Variants in CGNL1 observed in about 807,000 individuals in gnomAD.
CGNL1 encodes cingulin like 1.
In CGNL1, 132 loss-of-function variants were observed where a neutral mutation model predicts 141.2. The observed-to-expected ratio is 0.93, with a 90% CI of 0.81 to 1.08. The LOEUF (loss-of-function observed/expected upper bound fraction) is 1.08, where lower values mean the gene tolerates loss of function less well. CGNL1 is among the 50% of genes least tolerant of loss of function. CGNL1 has a pLI of 0.00. For missense variants in CGNL1, 1,870 were observed against 1,588.6 expected, an observed-to-expected ratio of 1.18 and a Z score of -3.01; for synonymous variants, 690 against 622.1, an observed-to-expected ratio of 1.11 and a Z score of -1.63.
intron 1 of CGNL1, among the ~76,000 whole-genome samples, chr15:57,381,529 C>A (rs1431778670): frequency 2.0e-5 from 3 of 152,144 alleles, no homozygotes; most frequent in African/African-American, 7.2e-5. Context: ...CCACTGCACT[C>A]CAGCCTGAGT....
intron 8 of CGNL1, among the ~76,000 whole-genome samples, chr15:57,486,716 A>G (rs1290778286): frequency 3.9e-5 from 6 of 152,282 alleles, no homozygotes; most frequent in Middle Eastern, 3.4e-3. Context: ...GAGGACTTCC[A>G]TTTTGTGCAT....
chr15:57,379,596 T>C (rs1212816030), intron 1 of CGNL1, among the ~76,000 whole-genome samples: 1 of 152,188 alleles, frequency 6.6e-6, no homozygotes, highest in Admixed American at 6.5e-5. Flanking sequence ...TTTAAAAATA[T>C]CCAACTGATT....
At chr15:57,385,158 T>C (rs1338836962) in intron 1 of CGNL1, among the ~76,000 whole-genome samples, 1 of 152,240 alleles carries the variant, frequency 6.6e-6, no homozygotes, top group Non-Finnish European at 1.5e-5. Flanking sequence ...TTCTTTGCAG[T>C]TGAGGACCAA....
At chr15:57,467,004 G>T (rs575711405) in intron 8 of CGNL1, among the ~76,000 whole-genome samples, 2 of 152,204 alleles carry the variant, frequency 1.3e-5, no homozygotes, top group Admixed American at 6.5e-5. Flanking sequence ...TGAGGGAGAA[G>T]AGGAGGGAGG....
At chr15:57,515,295 T>C (rs1480815172) in intron 8 of CGNL1, among the ~76,000 whole-genome samples, 1 of 152,254 alleles carries the variant, frequency 6.6e-6, no homozygotes, top group Admixed American at 6.5e-5. Context: ...TTCTCTGTTG[T>C]ATAGAATTAA....
chr15:57,398,775 A>C (rs1567093189), intron 1 of CGNL1, among the ~76,000 whole-genome samples: 1 of 152,210 alleles, frequency 6.6e-6, no homozygotes, highest in East Asian at 1.9e-4. Context: ...TGGGAAGAGC[A>C]TTTTGAATAG....
At position 57,440,406 on chromosome 15, in the gene CGNL1, A is replaced by G. The variant is rs1353172029; in HGVS notation, c.1632A>G (p.Gln544=). The G allele has an allele frequency of 6.2e-7, 1 of 1,602,982 alleles. No individual in the cohort carries two copies. The highest frequency in any genetic ancestry group is 2.2e-5 in the East Asian group (1 of 44,788). ...QATPDLLKGQ[Q]ELTQQTNEET... is the part of the protein sequence containing the mutation. Reference sequence around the variant, plus strand: ...CACCGGATCTCTTAAAGGGCCAGCAAGAGCTCACTCAGCAAACCAATGAGG... The same window carrying G: ...CACCGGATCTCTTAAAGGGCCAGCAGGAGCTCACTCAGCAAACCAATGAGG... The change falls in exon 3 of 19, where the codon CAA becomes CAG. Residue 544 remains glutamine (Q), a synonymous_variant. Coordinates refer to ENST00000281282, the MANE Select transcript of CGNL1 (RefSeq NM_032866.5).
Position 57,440,410 on chromosome 15 carries a change from C to A in CGNL1, c.1636C>A (p.Leu546Ile). The A allele has an allele frequency of 6.2e-7, 1 of 1,602,962 alleles. No homozygotes were observed. The change falls in exon 3 of 19, where the codon CTC becomes ATC. Residue 546 changes from leucine to isoleucine, a missense_variant. Transcript: ENST00000281282. ...GGATCTCTTAAAGGGCCAGCAAGAG[C>A]TCACTCAGCAAACCAATGAGGAGAC... ...TPDLLKGQQE[L>I]TQQTNEETAK...
intron 1 of CGNL1, among the ~76,000 whole-genome samples, chr15:57,384,737 C>G (rs1027373172): frequency 1.3e-5 from 2 of 152,166 alleles, no homozygotes; most frequent in Non-Finnish European, 2.9e-5. Context: ...GACGAGACCT[C>G]TTTACTGACC....
At chr15:57,445,593 A>C (rs2063240712) in intron 4 of CGNL1, among the ~76,000 whole-genome samples, 1 of 152,190 alleles carries the variant, frequency 6.6e-6, no homozygotes, top group Non-Finnish European at 1.5e-5. Flanking sequence ...TTCTGTTTCT[A>C]AAATGGATTG....
At chr15:57,514,217 T>C (rs149309677) in intron 8 of CGNL1, among the ~76,000 whole-genome samples, 77 of 152,296 alleles carry the variant, frequency 5.1e-4, no homozygotes, top group African/African-American at 1.7e-3. Context: ...AGTGGTCCCA[T>C]CTCGGCTCAC....
intron 14 of CGNL1, among the ~76,000 whole-genome samples, chr15:57,538,237 T>C (rs2032371319): frequency 6.6e-6 from 1 of 152,218 alleles, no homozygotes; most frequent in African/African-American, 2.4e-5. Flanking sequence ...TGGATTTACT[T>C]TAGAATTTCA....
chr15:57,383,607 TTTTCTTTTCTTTTCTTTTCTTTTC>T (rs2062449421), intron 1 of CGNL1, among the ~76,000 whole-genome samples: 1 of 74,684 alleles, frequency 1.3e-5, no homozygotes, highest in Non-Finnish European at 2.5e-5. Flanking sequence ...TTTTCTTTTC[TTTTCTTTTCTTTTCTTTTCTTTTC>T]TTTTTTTTTT....
At chr15:57,539,571 G>A (rs7181371) in intron 14 of CGNL1, among the ~76,000 whole-genome samples, 11,250 of 152,248 alleles carry the variant, frequency 0.074, 509 homozygotes, top group African/African-American at 0.14. Flanking sequence ...GGAGAAGTGT[G>A]GTGTCTATTC....
At chr15:57,392,879 A>G (rs1179040857) in intron 1 of CGNL1, among the ~76,000 whole-genome samples, 1 of 152,230 alleles carries the variant, frequency 6.6e-6, no homozygotes, top group Non-Finnish European at 1.5e-5. Context: ...GGACTAATAC[A>G]TAAAAAATTG....
intron 7 of CGNL1, among the ~76,000 whole-genome samples, chr15:57,457,215 C>G (rs936021406): frequency 2.6e-5 from 4 of 152,186 alleles, no homozygotes; most frequent in African/African-American, 9.7e-5. Context: ...GTGTCTTCCT[C>G]ATTTTGATGT....
intron 14 of CGNL1, among the ~76,000 whole-genome samples, chr15:57,537,762 G>T (rs1388711973): frequency 6.6e-6 from 1 of 152,198 alleles, no homozygotes; most frequent in African/African-American, 2.4e-5. Flanking sequence ...CTGATACTGT[G>T]ATTTCTGATC....
chr15:57,378,991 G>A (rs1486446265), intron 1 of CGNL1, among the ~76,000 whole-genome samples: 1 of 152,042 alleles, frequency 6.6e-6, no homozygotes, highest in African/African-American at 2.4e-5. Flanking sequence ...CCCCTGACCC[G>A]AATCATCACC....
intron 1 of CGNL1, among the ~76,000 whole-genome samples, chr15:57,423,139 A>G (rs2062934703): frequency 6.6e-6 from 1 of 152,120 alleles, no homozygotes; most frequent in Non-Finnish European, 1.5e-5. Context: ...TGCTTCTGCA[A>G]CTGGTTTTTG....
Sources: gnomAD v4.1 joint callset for allele counts (sites outside exome capture counted in the v4.1 genomes callset) on GRCh38, gnomAD v4.1.1 for gene constraint, MANE v1.5 for transcripts, NCBI Gene and HGNC (gene_info 2026-07-23, HGNC 2026-07-21) for gene names.